The following TRIM44 variants were observed in gnomAD, a reference collection of about 807,000 sequenced individuals.
TRIM44 encodes the protein tripartite motif containing 44, also known as tripartite motif-containing protein 44.
Under a neutral mutation model 37.4 loss-of-function variants are expected in TRIM44, and 13 were observed. That is an observed-to-expected ratio of 0.35 (90% CI 0.23 to 0.55). TRIM44 has a LOEUF of 0.55. Among genes scored for constraint, TRIM44 ranks in the 20% least tolerant of loss-of-function variants. The pLI, the probability that TRIM44 is intolerant of heterozygous loss-of-function variation, is 0.89. For missense variants in TRIM44, 426 were observed against 437.2 expected (o/e 0.97, Z 0.23); for synonymous variants, 175 against 157.2 (o/e 1.11, Z -0.85).
chr11:35,804,244 G>A (rs761406079), intron 4 of TRIM44, among the ~76,000 whole-genome samples: 1 of 152,124 alleles, frequency 6.6e-6, no homozygotes, highest in Admixed American at 6.6e-5. Context: ...TTAGGTTAAC[G>A]AGAAAAGATT....
chr11:35,742,529 AT>A (rs1337728415), intron 4 of TRIM44, among the ~76,000 whole-genome samples: 6 of 132,256 alleles, frequency 4.5e-5, no homozygotes, highest in Admixed American at 2.5e-4. Context: ...TAATTGTATT[AT>A]ATATAATTAT....
intron 4 of TRIM44, among the ~76,000 whole-genome samples, chr11:35,738,328 A>C (rs982233059): frequency 3.3e-5 from 5 of 152,010 alleles, no homozygotes; most frequent in Non-Finnish European, 5.9e-5. Flanking sequence ...ATACCTTTGT[A>C]TCATTTTGAC....
At position 35,705,368 on chromosome 11, in the gene TRIM44, G is replaced by A. The variant is rs1167381347; in HGVS notation, c.747+20032G>A. ...GACAGATCAACGAGACAGAAAGTTA[G>A]CAAGGATACCCAGGAATTGAACTCA... is the stretch of plus-strand genomic sequence containing the variant. On this transcript the variant is annotated intron_variant, in intron 2 of 4. Transcript: ENST00000299413. 3.0e-4 allele frequency among the ~76,000 whole-genome samples: 45 copies of A among 152,014 alleles called. 1 individual carries two copies. In the East Asian group the frequency reaches 8.3e-3, roughly 28 times the overall value.
chr11:35,708,552 C>G (rs1271900278), intron 2 of TRIM44, among the ~76,000 whole-genome samples: 4 of 151,812 alleles, frequency 2.6e-5, no homozygotes, highest in East Asian at 3.9e-4. Flanking sequence ...GAAAATGTGG[C>G]ACATATACAC....
intron 2 of TRIM44, among the ~76,000 whole-genome samples, chr11:35,698,078 A>G (rs540342285): frequency 5.3e-5 from 8 of 151,794 alleles, no homozygotes; most frequent in African/African-American, 1.7e-4. Context: ...CAACAGTGTA[A>G]AAGTGTTCCC....
chr11:35,714,091 T>A (rs979579481), intron 2 of TRIM44, among the ~76,000 whole-genome samples: 5 of 152,148 alleles, frequency 3.3e-5, no homozygotes, highest in African/African-American at 1.2e-4. Flanking sequence ...GATGTTCCCT[T>A]GGGAAATTAG....
At chr11:35,781,813 A>G (rs527602548) in intron 4 of TRIM44, among the ~76,000 whole-genome samples, 2 of 152,362 alleles carry the variant, frequency 1.3e-5, no homozygotes, top group Non-Finnish European at 2.9e-5. Flanking sequence ...AACTTTTAAA[A>G]TGATAAAAGT....
intron 4 of TRIM44, among the ~76,000 whole-genome samples, chr11:35,740,030 C>G (rs1157182211): frequency 2.1e-5 from 3 of 140,322 alleles, no homozygotes; most frequent in African/African-American, 8.1e-5. Context: ...GCCAGGGAGT[C>G]AGAGGTTGCA....
intron 1 of TRIM44, among the ~76,000 whole-genome samples, chr11:35,680,435 G>T (rs1351232544): frequency 2.6e-5 from 4 of 151,186 alleles, no homozygotes; most frequent in Non-Finnish European, 4.4e-5. Context: ...GTACCATTTT[G>T]CAAGGTTTTG....
chr11:35,690,984 C>G (rs559651791), intron 2 of TRIM44, among the ~76,000 whole-genome samples: 5 of 152,088 alleles, frequency 3.3e-5, no homozygotes, highest in Non-Finnish European at 7.3e-5. Context: ...GCAATGTGAC[C>G]CTTAACTGAT....
At chr11:35,718,877 T>C (rs1852068125) in intron 2 of TRIM44, among the ~76,000 whole-genome samples, 1 of 143,342 alleles carries the variant, frequency 7.0e-6, no homozygotes. Context: ...GTTCATGACC[T>C]GATAGCTTTT....
rs148107767 is a variant in TRIM44, at chr11:35,725,853, A to G, written c.748-71A>G. On this transcript the variant is annotated intron_variant, in intron 2 of 4. Transcript: ENST00000299413. ...TGGTGTGTATTTTGGCCAGGGCTGT[A>G]TAGTAATAACTCTGCCCTTTTGTTT... 5,069 of 1,561,662 alleles carry G rather than the reference A, an allele frequency of 3.2e-3. 20 individuals carry two copies. Among genetic ancestry groups the G allele is most frequent in the Admixed American group, 4.4e-3 (250 of 56,890 alleles).
rs1009377706 is a variant in TRIM44 at position 35,662,887 on chromosome 11, G to A, written c.-225G>A. On this transcript the variant is annotated 5_prime_UTR_variant, in exon 1 of 5. Transcript: ENST00000299413. ...GGAAGTGCCTTGCGCGGCAGAGGAA[G>A]CGCAGGGACAGAGCGGAGCAGGCCG... The A allele has an allele frequency of 2.7e-5, 17 of 628,222 alleles. No homozygotes were observed. Among genetic ancestry groups the A allele is most frequent in the Non-Finnish European group, 3.8e-5 (17 of 443,820 alleles). 38.9% of individuals were successfully genotyped at this position (628,222 alleles called of 1,614,324 possible).
intron 4 of TRIM44, among the ~76,000 whole-genome samples, chr11:35,766,744 T>C (rs577384283): frequency 3.2e-4 from 48 of 152,218 alleles, no homozygotes; most frequent in Non-Finnish European, 4.9e-4. Flanking sequence ...ACTAATTCAG[T>C]GACCATGAAT....
chr11:35,813,828 A>C lies in TRIM44; in HGVS notation c.*7443A>C, dbSNP rs1853553105. 1 of 152,162 alleles carries C rather than the reference A, an allele frequency of 6.6e-6. No individual in the cohort carries two copies. 9.4% of individuals were successfully genotyped at this position (152,162 alleles called of 1,614,324 possible). ...GAATAAACCTTTGACCATCCAGAAT[A>C]TTTAGCTAAATCAAACAGTGTATAT... On this transcript the variant is annotated 3_prime_UTR_variant, in exon 5 of 5. Transcript: ENST00000299413.
chr11:35,687,809 G>A (rs1368046084), intron 2 of TRIM44, among the ~76,000 whole-genome samples: 1 of 152,146 alleles, frequency 6.6e-6, no homozygotes, highest in Non-Finnish European at 1.5e-5. Flanking sequence ...ACTTGATCTT[G>A]GGTGTGTGTG....
chr11:35,778,845 C>T (rs939860530), intron 4 of TRIM44, among the ~76,000 whole-genome samples: 3 of 152,148 alleles, frequency 2.0e-5, no homozygotes, highest in African/African-American at 7.2e-5. Context: ...TATGAGGTGT[C>T]GGTCAGCCCC....
Position 35,813,811 on chromosome 11 carries a change from C to T in TRIM44, c.*7426C>T, listed in dbSNP as rs1368898830. 1.3e-5 allele frequency: 2 copies of T among 151,938 alleles called. No individual in the cohort carries two copies. The highest frequency in any genetic ancestry group is 1.5e-5 in the Non-Finnish European group (1 of 67,972). The allele number at this position is 151,938 out of a possible 1,614,324, so 9.4% of individuals were successfully genotyped here. A position where few individuals can be genotyped will look rare whatever the true frequency, so the allele number is the denominator to read the frequency against. ...CTTTTAGGAATTAAAAGGAATAAAC[C>T]TTTGACCATCCAGAATATTTAGCTA... On this transcript the variant is annotated 3_prime_UTR_variant, in exon 5 of 5. Transcript: ENST00000299413.
intron 4 of TRIM44, among the ~76,000 whole-genome samples, chr11:35,798,759 T>C (rs1409608247): frequency 6.6e-6 from 1 of 152,212 alleles, no homozygotes; most frequent in African/African-American, 2.4e-5. Context: ...TATTTCTTGA[T>C]ATGACATTCA....
Sources: gnomAD v4.1 joint callset for allele counts (sites outside exome capture counted in the v4.1 genomes callset) on GRCh38, gnomAD v4.1.1 for gene constraint, MANE v1.5 for transcripts, NCBI Gene and HGNC (gene_info 2026-07-23, HGNC 2026-07-21) for gene names.